STAT5A: variants seen among roughly 807,000 people sequenced by gnomAD.
The protein encoded by STAT5A is signal transducer and activator of transcription 5A.
STAT5A carries 26 observed loss-of-function variants against 100.2 expected under a neutral mutation model. The observed-to-expected ratio is 0.26, with a 90% CI of 0.19 to 0.36. The LOEUF is 0.36. STAT5A is among the 10% of genes least tolerant of loss of function. The pLI is 1.00. For missense variants in STAT5A, 634 were observed against 1,027.5 expected, an observed-to-expected ratio of 0.62 and a Z score of 5.24; for synonymous variants, 330 against 424.3, an observed-to-expected ratio of 0.78 and a Z score of 2.73.
Position 42,308,375 on chromosome 17 carries a change from C to T in STAT5A, c.2062+42C>T. The T allele has an allele frequency of 6.2e-7, 1 of 1,613,424 alleles. No homozygotes were observed. Among genetic ancestry groups the T allele is most frequent in the Non-Finnish European group, 8.5e-7 (1 of 1,179,842 alleles). The stretch of plus-strand genomic sequence containing the variant: ...GACCCTGCCGGCTGACTCCCCCGGG[C>T]TCTTCCCCAGCCCATAGACAAAGCC... On this transcript the variant is annotated intron_variant, in intron 16 of 18. Transcript: ENST00000590949. This position sits in a 1 kb window ranked among gnomAD's most constrained non-coding sequence, Gnocchi z 4.6.
intron 18 of STAT5A, among the ~76,000 whole-genome samples, chr17:42,309,972 C>T (rs1240915083): frequency 6.6e-6 from 1 of 152,192 alleles, no homozygotes; most frequent in Non-Finnish European, 1.5e-5. Context: ...CACTGAAGAT[C>T]CCAGGTTCCA....
In STAT5A at chr17:42,300,816, T is replaced by C; in HGVS notation, c.935T>C (p.Met312Thr). The change falls in exon 8 of 19, where the codon ATG becomes ACG. Residue 312 changes from methionine to threonine, a missense_variant. Physicochemically the swap from Met to Thr is moderately conservative, Grantham distance 81. This residue lies in a region of STAT5A where 98 missense variants were observed against 149.7 expected (regional missense o/e 0.65). Coordinates refer to ENST00000590949, the MANE Select transcript of STAT5A (RefSeq NM_001288718.2). ...QLPIPGPVEE[M>T]LAEVNATITD... Reference sequence around the variant, plus strand: ...CCCATCCCCGGCCCAGTGGAGGAGATGCTGGCCGAGGTCAACGCCACCATC... The same window carrying C: ...CCCATCCCCGGCCCAGTGGAGGAGACGCTGGCCGAGGTCAACGCCACCATC... 4.3e-6 allele frequency: 7 copies of C among 1,612,384 alleles called. No individual in the cohort carries two copies. Among genetic ancestry groups the C allele is most frequent in the Non-Finnish European group, 5.9e-6 (7 of 1,179,216 alleles).
rs761183759 is a variant in STAT5A at position 42,304,304 on chromosome 17, G to A, written c.1170-38G>A. 2.7e-5 allele frequency: 44 copies of A among 1,606,018 alleles called. 1 individual carries two copies. The highest frequency in any genetic ancestry group is 1.8e-4 in the East Asian group (8 of 44,810). On this transcript the variant is annotated intron_variant, in intron 9 of 18. Transcript: ENST00000590949. This position sits in a 1 kb window ranked among gnomAD's most constrained non-coding sequence, Gnocchi z 4.8. ...TGGACAGGACCATGCTCCTGGCCTG[G>A]GGCCCATGTGGAGCTGGGACCCCCC...
In STAT5A at chr17:42,308,091, T is replaced by G; in HGVS notation, c.1907-87T>G. 6.4e-7 allele frequency: 1 copy of G among 1,550,646 alleles called. No homozygotes were observed. Among genetic ancestry groups the G allele is most frequent in the Admixed American group, 1.8e-5 (1 of 54,274 alleles). ...GCAAGCTACTATATAAAAGCCCAGA[T>G]TTCTCTTGCAAGCCTGCCCTAAAGC... On this transcript the variant is annotated intron_variant, in intron 15 of 18. Coordinates refer to ENST00000590949, the MANE Select transcript of STAT5A (RefSeq NM_001288718.2). The surrounding 1 kb of genome is among the most constrained non-coding windows in gnomAD (Gnocchi z 4.6).
At chr17:42,305,220 C>T (rs139240281) in intron 11 of STAT5A, among the ~76,000 whole-genome samples, 48 of 151,852 alleles carry the variant, frequency 3.2e-4, no homozygotes, top group African/African-American at 9.4e-4. Flanking sequence ...AAGCAGATTG[C>T]GGCCATGGGT....
intron 4 of STAT5A, among the ~76,000 whole-genome samples, chr17:42,294,561 T>C (rs2080900583): frequency 6.6e-6 from 1 of 152,224 alleles, no homozygotes; most frequent in Admixed American, 6.5e-5. Flanking sequence ...TAGATAGGAC[T>C]ACTGTGAATT....
chr17:42,289,139 G>A (rs949991447), intron 1 of STAT5A: 2 of 364,930 alleles, frequency 5.5e-6, no homozygotes, highest in Non-Finnish European at 9.9e-6. Context: ...GGAAGCTCCG[G>A]TGGGGCGAGG....
upstream of STAT5A, chr17:42,288,192 G>A (rs1724128499): frequency 6.6e-6 from 1 of 152,222 alleles, no homozygotes; most frequent in African/African-American, 2.4e-5. This position sits in a 1 kb window ranked among gnomAD's most constrained non-coding sequence, Gnocchi z 4.8. Context: ...GGCAACGCCC[G>A]ACAACCACAT....
Position 42,304,290 on chromosome 17 carries a change from A to G in STAT5A, c.1170-52A>G. 8 of 1,585,430 alleles carry G rather than the reference A, an allele frequency of 5.0e-6. No homozygotes were observed. Among genetic ancestry groups the G allele is most frequent in the Middle Eastern group, 1.9e-4 (1 of 5,290 alleles). ...CCCAGCCCGAGGTGTGGACAGGACC[A>G]TGCTCCTGGCCTGGGGCCCATGTGG... On this transcript the variant is annotated intron_variant, in intron 9 of 18. Transcript: ENST00000590949. The surrounding 1 kb of genome is among the most constrained non-coding windows in gnomAD (Gnocchi z 4.8).
intron 5 of STAT5A, among the ~76,000 whole-genome samples, chr17:42,296,811 T>A (rs1317773819): frequency 6.6e-6 from 1 of 152,168 alleles, no homozygotes; most frequent in African/African-American, 2.4e-5. Flanking sequence ...CTGATTTTTT[T>A]AGAATTCTAT....
chr17:42,300,117 T>G lies in STAT5A; in HGVS notation c.682-13T>G. 7.3e-7 allele frequency: 1 copy of G among 1,365,074 alleles called. No homozygotes were observed. The highest frequency in any genetic ancestry group is 9.9e-7 in the Non-Finnish European group (1 of 1,010,206). 84.6% of individuals were successfully genotyped at this position (1,365,074 alleles called of 1,614,324 possible). ...GGGAGCCCAGAAGGGGCTGCTCTCC[T>G]CCCTTCCCTCAGGAGCTGGCCGAGA... On this transcript the variant is annotated splice_polypyrimidine_tract_variant and intron_variant, in intron 6 of 18. Transcript: ENST00000590949.
chr17:42,302,092 G>A (rs1021555169), intron 9 of STAT5A, among the ~76,000 whole-genome samples: 7 of 152,232 alleles, frequency 4.6e-5, no homozygotes, highest in Non-Finnish European at 1.0e-4. Context: ...TTTGAGCCTA[G>A]GAATTTGATA....
At chr17:42,289,263 G>T in intron 1 of STAT5A, 139 bp from the exon 2 acceptor site, 4 of 974,582 alleles carry the variant, frequency 4.1e-6, no homozygotes, top group Non-Finnish European at 5.7e-6. Context: ...CTCTGTTCCC[G>T]CACAGGAAAG....
intron 13 of STAT5A, 23 bp downstream of exon 13, chr17:42,306,470 G>T: frequency 2.5e-6 from 4 of 1,588,920 alleles, no homozygotes; most frequent in Non-Finnish European, 3.4e-6. Context: ...GCTGCCAGCC[G>T]CCCACCAGGG....
intron 2 of STAT5A, 97 bp from the exon 3 acceptor site, chr17:42,289,769 C>A: frequency 7.0e-7 from 1 of 1,435,136 alleles, no homozygotes; most frequent in Non-Finnish European, 9.2e-7. Context: ...GGAGTGCCCT[C>A]GGTCATGAGC....
At chr17:42,305,550 C>T in intron 11 of STAT5A, 60 bp from the exon 12 acceptor site, 1 of 1,424,480 alleles carries the variant, frequency 7.0e-7, no homozygotes, top group East Asian at 2.3e-5. Flanking sequence ...GGCATGTTGC[C>T]TAAGCAGAGG....
rs980172770 is a variant in STAT5A, at chr17:42,289,562, C to T, written c.128+23C>T. 23 of 1,609,294 alleles carry T rather than the reference C, an allele frequency of 1.4e-5. 1 individual carries two copies. In the African/African-American group the frequency reaches 1.7e-4, roughly 12 times the overall value. ...ATGGTAGGCACGTCCCGCCCTGCCC[C>T]TCCTCAGAGGGTCCCTACCATCCAG... On this transcript the variant is annotated intron_variant, in intron 2 of 18. Coordinates refer to ENST00000590949, the MANE Select transcript of STAT5A (RefSeq NM_001288718.2).
intron 12 of STAT5A, 181 bp from the exon 13 acceptor site, chr17:42,306,060 G>T: frequency 9.3e-7 from 1 of 1,072,980 alleles, no homozygotes; most frequent in Non-Finnish European, 1.3e-6. Flanking sequence ...TTCCCTGCAG[G>T]CTGGGAAAAA....
intron 9 of STAT5A, among the ~76,000 whole-genome samples, 165 bp downstream of exon 9, chr17:42,301,619 G>C (rs1315274835): frequency 6.6e-6 from 1 of 152,150 alleles, no homozygotes; most frequent in African/African-American, 2.4e-5. Flanking sequence ...GCCTCCCAAA[G>C]TGCTGAGTTG....
Sources: allele counts gnomAD v4.1 joint callset (sites outside exome capture counted in the v4.1 genomes callset), GRCh38; gene constraint gnomAD v4.1.1; regional missense constraint gnomAD v4.1.1; non-coding constraint Gnocchi (gnomAD v3.1); transcripts MANE v1.5; gene names NCBI Gene and HGNC (gene_info 2026-07-23, HGNC 2026-07-21).